JAG1: variants seen among roughly 807,000 people sequenced by gnomAD.
JAG1 encodes protein jagged-1.
A neutral mutation model predicts 148.7 loss-of-function variants in JAG1; 23 were observed. The ratio of observed to expected loss-of-function variants is 0.15; its 90% CI spans 0.11 to 0.22. The LOEUF (loss-of-function observed/expected upper bound fraction) is 0.22, where lower values mean the gene tolerates loss of function less well. JAG1 is among the 10% of genes least tolerant of loss of function. JAG1 has a pLI of 1.00. For synonymous variants in JAG1, 572 were observed against 598.3 expected, an observed-to-expected ratio of 0.96 and a Z score of 0.64; for missense variants, 1,054 against 1,611.2, an observed-to-expected ratio of 0.65 and a Z score of 5.92.
rs200498563 is a variant in JAG1, at chr20:10,649,601, G to T, written c.1269C>A (p.Asn423Lys). 11 of 1,613,640 alleles carry T rather than the reference G, an allele frequency of 6.8e-6. No homozygotes were observed. The South Asian group carries it at 1.2e-4, about 18-fold the overall frequency. Residue 423 changes from asparagine (N) to lysine (K), a missense_variant, in exon 10 of 26, where the codon AAC becomes AAA. By Grantham distance (94) the Asn-to-Lys change is moderately conservative. Transcript: ENST00000254958. ...ANECEAKPCV[N>K]AKSCKNLIAS... ...CAATGAGATTCTTACAGGATTTGGC[G>T]TTTACACAAGGTTTGGCCTCACATT...
At chr20:10,659,852 C>A (rs1318685689) in intron 3 of JAG1, among the ~76,000 whole-genome samples, 7 of 152,094 alleles carry the variant, frequency 4.6e-5, no homozygotes, top group African/African-American at 1.7e-4. Flanking sequence ...TGCCCTGAGG[C>A]CACTTATCAT....
At chr20:10,670,957 C>T (rs2067491114) in intron 2 of JAG1, among the ~76,000 whole-genome samples, 1 of 152,234 alleles carries the variant, frequency 6.6e-6, no homozygotes, top group Admixed American at 6.5e-5. Context: ...GTCACTTTTC[C>T]TTGGCCAGCG....
At position 10,639,592 on chromosome 20, in the gene JAG1, C is replaced by G. The variant is rs766368457; in HGVS notation, c.3563G>C (p.Gly1188Ala). 2 of 1,614,052 alleles carry G rather than the reference C, an allele frequency of 1.2e-6. No individual in the cohort carries two copies. Among genetic ancestry groups the G allele is most frequent in the Non-Finnish European group, 1.7e-6 (2 of 1,180,038 alleles). ...CCAGTTTGGGTGTTTTGTCGGCGTGCCGTTGGGGGGCTTCTCTTCTCTGTC... is the reference window on the plus strand; with the variant it reads ...CCAGTTTGGGTGTTTTGTCGGCGTGGCGTTGGGGGGCTTCTCTTCTCTGTC... Reference protein sequence around the residue: ...LVDREEKPPNGTPTKHPNWTN... With the variant: ...LVDREEKPPNATPTKHPNWTN... Residue 1188 changes from glycine to alanine, a missense_variant, in exon 26 of 26, where the codon GGC (glycine) becomes GCC (alanine). Physicochemically the swap from Gly to Ala is moderately conservative, Grantham distance 60. Around this residue, in one of 6 missense-constraint regions of JAG1, gnomAD observed 177 missense variants for 177.3 expected, o/e 1.00. Coordinates refer to ENST00000254958, the MANE Select transcript of JAG1 (RefSeq NM_000214.3).
chr20:10,656,294 T>C (rs1470395060), intron 5 of JAG1, 104 bp downstream of exon 5: 1 of 967,506 alleles, frequency 1.0e-6, no homozygotes, highest in Non-Finnish European at 1.7e-6. Flanking sequence ...TAAAAAAGCT[T>C]TCTTGTTCTC....
chr20:10,648,677 C>A lies in JAG1; in HGVS notation c.1441G>T (p.Gly481Cys). The A allele has an allele frequency of 6.2e-7, 1 of 1,614,220 alleles. No individual in the cohort carries two copies. Among genetic ancestry groups the A allele is most frequent in the Non-Finnish European group, 8.5e-7 (1 of 1,180,042 alleles). The change falls in exon 12 of 26, where the codon GGC becomes TGC. Residue 481 changes from glycine to cysteine, a missense_variant. This residue lies in a region of JAG1 where 245 missense variants were observed against 373.1 expected (regional missense o/e 0.66). Coordinates refer to ENST00000254958, the MANE Select transcript of JAG1 (RefSeq NM_000214.3). ...YRCICPPGYA[G>C]DHCERDIDEC... is the part of the protein sequence containing the mutation. ...TCGATGTCTCTCTCACAGTGATCGC[C>A]TGCATAGCCAGGTGGACAGATACAG... is the stretch of plus-strand genomic sequence containing the variant.
chr20:10,661,874 C>T (rs1197212181), intron 3 of JAG1, among the ~76,000 whole-genome samples: 3 of 152,190 alleles, frequency 2.0e-5, no homozygotes, highest in African/African-American at 7.2e-5. Flanking sequence ...TTTTTCAGAA[C>T]TTGGAGGTGG....
At chr20:10,668,622 T>TC (rs1273862203) in intron 2 of JAG1, among the ~76,000 whole-genome samples, 1 of 152,042 alleles carries the variant, frequency 6.6e-6, no homozygotes, top group African/African-American at 2.4e-5. Flanking sequence ...TGGTTCACAT[T>TC]CCTGTTTTCA....
intron 5 of JAG1, among the ~76,000 whole-genome samples, chr20:10,656,020 G>A (rs1218185563): frequency 2.0e-5 from 3 of 152,178 alleles, no homozygotes; most frequent in East Asian, 1.9e-4. Context: ...GGGAAAAGTC[G>A]GGGAGGGGGC....
At chr20:10,643,704 G>A in intron 20 of JAG1, 74 bp downstream of exon 20, 1 of 1,156,372 alleles carries the variant, frequency 8.6e-7, no homozygotes, top group South Asian at 1.3e-5. Context: ...TGTTTTTAAA[G>A]ATGAAAGTCT....
intron 12 of JAG1, 122 bp downstream of exon 12, chr20:10,648,427 T>C: frequency 1.2e-6 from 1 of 847,006 alleles, no homozygotes; most frequent in South Asian, 1.4e-5. Context: ...CTCTCATCAA[T>C]AGGATGTTAA....
At position 10,673,113 on chromosome 20, in the gene JAG1, G is replaced by A. The variant is rs2067509494; in HGVS notation, c.82-107C>T. 9.5e-7 allele frequency: 1 copy of A among 1,050,676 alleles called. No individual in the cohort carries two copies. The highest frequency in any genetic ancestry group is 1.4e-6 in the Non-Finnish European group (1 of 699,812). 65.1% of individuals were successfully genotyped at this position (1,050,676 alleles called of 1,614,324 possible). ...CCCGCCCCGACGAGCCCTCCTCGCCGAGTGAAAATAATTTTGCGAAACTAC... is the reference window on the plus strand; with the variant it reads ...CCCGCCCCGACGAGCCCTCCTCGCCAAGTGAAAATAATTTTGCGAAACTAC... On this transcript the variant is annotated intron_variant, in intron 1 of 25. Transcript: ENST00000254958. This position sits in a 1 kb window ranked among gnomAD's most constrained non-coding sequence, Gnocchi z 4.7.
chr20:10,648,489 CGGA>C lies in JAG1; in HGVS notation c.1569+57_1569+59del, dbSNP rs1408861800. On this transcript the variant is annotated intron_variant, in intron 12 of 25. Transcript: ENST00000254958. The stretch of plus-strand genomic sequence containing the variant: ...GAGCTGAGGGAAAAGTAAAGGGAAG[CGGA>C]GGAGGCAGCGGCTCTGCTCTAAAAA... 9.5e-6 allele frequency: 13 copies of C among 1,370,130 alleles called. No individual in the cohort carries two copies. The South Asian group carries it at 1.5e-4, about 16-fold the overall frequency. 84.9% of individuals were successfully genotyped at this position (1,370,130 alleles called of 1,614,324 possible). A position where few individuals can be genotyped will look rare whatever the true frequency, so the allele number is the denominator to read the frequency against.
intron 5 of JAG1, among the ~76,000 whole-genome samples, chr20:10,654,644 G>A (rs1225912764): frequency 1.3e-5 from 2 of 152,224 alleles, no homozygotes; most frequent in African/African-American, 2.4e-5. Context: ...TCAGCGTGAA[G>A]GTTCTGTTTT....
rs141751820 is a variant in JAG1, at chr20:10,663,264, C to T, written c.439+699G>A. Among the ~76,000 whole-genome samples, 1,075 of 152,270 alleles carry T rather than the reference C, an allele frequency of 7.1e-3. 12 individuals carry two copies. The highest frequency in any genetic ancestry group is 0.024 in the African/African-American group (1,013 of 41,550). On this transcript the variant is annotated intron_variant, in intron 3 of 25. Transcript: ENST00000254958. ...CTGGCAAAAAGGGAACTTGAAGTTT[C>T]GGCTCGTGAGCGAAAACACTGTAAA... is the stretch of plus-strand genomic sequence containing the variant.
In JAG1 at chr20:10,639,716, A is replaced by G; in HGVS notation, c.3439T>C (p.Ser1147Pro). Residue 1147 changes from serine to proline, a missense_variant, in exon 26 of 26, where the codon TCT becomes CCT. By Grantham distance (74) the Ser-to-Pro change is moderately conservative. This residue lies in a region of JAG1 where 177 missense variants were observed against 177.3 expected (regional missense o/e 1.00). Transcript: ENST00000254958. ...KDYENKNSKM[S>P]KIRTHNSEVE... ...TCAGAATTGTGTGTCCTTATTTTAG[A>G]CATTTTGGAGTTCTTGTTCTCATAA... The G allele has an allele frequency of 6.2e-7, 1 of 1,614,062 alleles. No homozygotes were observed. Among genetic ancestry groups the G allele is most frequent in the Non-Finnish European group, 8.5e-7 (1 of 1,180,012 alleles).
intron 2 of JAG1, among the ~76,000 whole-genome samples, chr20:10,668,138 G>A (rs1341738726): frequency 1.4e-5 from 2 of 148,046 alleles, no homozygotes; most frequent in African/African-American, 5.0e-5. Flanking sequence ...GGGCTGCTGT[G>A]GTCCATGCGG....
Position 10,645,291 on chromosome 20 carries a change from C to A in JAG1, c.2114-35G>T, listed in dbSNP as rs1260549179. 2 of 1,601,308 alleles carry A rather than the reference C, an allele frequency of 1.2e-6. No homozygotes were observed. Among genetic ancestry groups the A allele is most frequent in the East Asian group, 4.5e-5 (2 of 44,812 alleles). ...AATATTTCAGTGTGAGTCCCAGTGG[C>A]CCCCTCCCACAGAAGACAGAGGGAA... On this transcript the variant is annotated intron_variant, in intron 16 of 25. Transcript: ENST00000254958. This position sits in a 1 kb window ranked among gnomAD's most constrained non-coding sequence, Gnocchi z 6.1.
intron 8 of JAG1, chr20:10,650,640 A>T: frequency 2.2e-6 from 1 of 450,558 alleles, no homozygotes; most frequent in Non-Finnish European, 4.1e-6. Context: ...GGAACACAGG[A>T]CATCTCTATC....
chr20:10,646,879 G>A (rs1023125439), intron 14 of JAG1, 60 bp downstream of exon 14: 3 of 1,526,982 alleles, frequency 2.0e-6, no homozygotes, highest in Non-Finnish European at 2.7e-6. Flanking sequence ...GCCAGGGGCA[G>A]AGGCAGGGGC....
Sources: gnomAD v4.1 joint callset for allele counts (sites outside exome capture counted in the v4.1 genomes callset) on GRCh38, gnomAD v4.1.1 for gene constraint, gnomAD v4.1.1 regional missense constraint, Gnocchi (gnomAD v3.1) non-coding constraint, MANE v1.5 for transcripts, NCBI Gene and HGNC (gene_info 2026-07-23, HGNC 2026-07-21) for gene names.